The following HS6ST3 variants were observed in gnomAD, a reference collection of about 807,000 sequenced individuals.
HS6ST3 encodes the protein heparan-sulfate 6-O-sulfotransferase 3.
In HS6ST3, 12 loss-of-function variants were observed where a neutral mutation model predicts 36.7. That is an observed-to-expected ratio of 0.33 (90% CI 0.21 to 0.53). The LOEUF is 0.53. Ranked by LOEUF, HS6ST3 falls within the 20% of genes least tolerant of loss-of-function variation. The pLI, the probability that HS6ST3 is intolerant of heterozygous loss-of-function variation, is 0.95. For missense variants in HS6ST3, 584 were observed against 640.9 expected, an observed-to-expected ratio of 0.91 and a Z score of 0.96; for synonymous variants, 240 against 257.5, an observed-to-expected ratio of 0.93 and a Z score of 0.65.
rs527733468 is a variant in HS6ST3 at position 96,552,093 on chromosome 13, A to G, written c.708-280397A>G. 2.6e-5 allele frequency among the ~76,000 whole-genome samples: 4 copies of G among 152,300 alleles called. No homozygotes were observed. In the East Asian group the frequency reaches 5.8e-4, roughly 22 times the overall value. On this transcript the variant is annotated intron_variant, in intron 1 of 1. Coordinates refer to ENST00000376705, the MANE Select transcript of HS6ST3 (RefSeq NM_153456.4). ...ATATCCTAGGGAAAAAGTTTATTGC[A>G]TGCATTAAAAATGGAATTTGGTTTA... is the stretch of plus-strand genomic sequence containing the variant.
At chr13:96,540,979 C>G (rs1189193708) in intron 1 of HS6ST3, among the ~76,000 whole-genome samples, 1 of 152,056 alleles carries the variant, frequency 6.6e-6, no homozygotes, top group Non-Finnish European at 1.5e-5. Context: ...TATACAAAGC[C>G]CAAAAATCTT....
At chr13:96,499,946 A>G (rs1373679465) in intron 1 of HS6ST3, among the ~76,000 whole-genome samples, 2 of 152,332 alleles carry the variant, frequency 1.3e-5, no homozygotes, top group South Asian at 2.1e-4. Flanking sequence ...TATGATTCAT[A>G]TATCATAAAA....
intron 1 of HS6ST3, among the ~76,000 whole-genome samples, chr13:96,571,967 G>A (rs558719856): frequency 3.3e-5 from 5 of 152,272 alleles, no homozygotes; most frequent in East Asian, 1.9e-4. Context: ...CAGAGTGTGC[G>A]TAAAGTCATA....
chr13:96,293,505 A>T (rs892770346), intron 1 of HS6ST3, among the ~76,000 whole-genome samples: 4 of 152,158 alleles, frequency 2.6e-5, no homozygotes, highest in African/African-American at 9.7e-5. Context: ...TATGCAGTAC[A>T]CTTGTATGTA....
At chr13:96,331,002 C>G (rs1176947248) in intron 1 of HS6ST3, among the ~76,000 whole-genome samples, 3 of 151,904 alleles carry the variant, frequency 2.0e-5, no homozygotes, top group Non-Finnish European at 2.9e-5. Context: ...GCATTCTTCA[C>G]GTAGTTCTTG....
intron 1 of HS6ST3, among the ~76,000 whole-genome samples, chr13:96,449,038 T>C (rs2055714036): frequency 6.6e-6 from 1 of 152,182 alleles, no homozygotes. Flanking sequence ...CATAGCTCAC[T>C]GCTGCCTCGA....
chr13:96,149,121 G>A (rs749194727), intron 1 of HS6ST3, among the ~76,000 whole-genome samples: 2 of 152,156 alleles, frequency 1.3e-5, no homozygotes, highest in Non-Finnish European at 2.9e-5. Context: ...AGACTTGGCA[G>A]GGAATTGATC....
At chr13:96,235,684 A>G (rs2054531418) in intron 1 of HS6ST3, among the ~76,000 whole-genome samples, 2 of 151,924 alleles carry the variant, frequency 1.3e-5, no homozygotes, top group African/African-American at 4.8e-5. Flanking sequence ...CAGATATAAC[A>G]CCTTTACCTC....
intron 1 of HS6ST3, among the ~76,000 whole-genome samples, chr13:96,128,933 C>T (rs1350170020): frequency 6.6e-6 from 1 of 151,892 alleles, no homozygotes; most frequent in Non-Finnish European, 1.5e-5. Flanking sequence ...GCAACCTCTG[C>T]CTCCTGGGTT....
intron 1 of HS6ST3, among the ~76,000 whole-genome samples, chr13:96,480,985 T>C (rs2055887666): frequency 1.3e-5 from 2 of 152,246 alleles, no homozygotes; most frequent in Non-Finnish European, 2.9e-5. Flanking sequence ...CCATAAATGG[T>C]AAATCATAAT....
At chr13:96,091,708 G>C in intron 1 of HS6ST3, 139 bp downstream of exon 1, 1 of 1,219,090 alleles carries the variant, frequency 8.2e-7, no homozygotes, top group Non-Finnish European at 1.1e-6. Flanking sequence ...CGTGGCTTTG[G>C]GGAGGGATGA....
intron 1 of HS6ST3, among the ~76,000 whole-genome samples, chr13:96,556,083 G>C (rs2056239709): frequency 6.6e-6 from 1 of 152,172 alleles, no homozygotes; most frequent in Non-Finnish European, 1.5e-5. Flanking sequence ...GAGTCTGAAG[G>C]TCAAGGTGGC....
At chr13:96,713,116 G>A (rs1875602067) in intron 1 of HS6ST3, among the ~76,000 whole-genome samples, 1 of 152,140 alleles carries the variant, frequency 6.6e-6, no homozygotes, top group Admixed American at 6.6e-5. Flanking sequence ...TTTTTTGGGT[G>A]TTGATGTTAA....
intron 1 of HS6ST3, among the ~76,000 whole-genome samples, chr13:96,811,502 T>C (rs949014987): frequency 2.0e-5 from 3 of 152,172 alleles, no homozygotes; most frequent in Admixed American, 2.0e-4. Flanking sequence ...TTAATATTAT[T>C]CCATTTTTGC....
At chr13:96,324,424 A>G (rs1389685483) in intron 1 of HS6ST3, among the ~76,000 whole-genome samples, 1 of 152,214 alleles carries the variant, frequency 6.6e-6, no homozygotes, top group Non-Finnish European at 1.5e-5. Context: ...TAGGGCAGAT[A>G]AGAGGAAAAC....
At chr13:96,148,272 A>G (rs759251783) in intron 1 of HS6ST3, among the ~76,000 whole-genome samples, 2 of 152,208 alleles carry the variant, frequency 1.3e-5, no homozygotes, top group East Asian at 1.9e-4. Context: ...CCAAGAACCT[A>G]CTGATGACAT....
chr13:96,161,500 C>T (rs2054135581), intron 1 of HS6ST3, among the ~76,000 whole-genome samples: 1 of 152,102 alleles, frequency 6.6e-6, no homozygotes, highest in Non-Finnish European at 1.5e-5. Context: ...ACTGTATTCT[C>T]CACTAAGATT....
chr13:96,333,561 C>G (rs566732456), intron 1 of HS6ST3, among the ~76,000 whole-genome samples: 1 of 152,220 alleles, frequency 6.6e-6, no homozygotes, highest in African/African-American at 2.4e-5. Context: ...TAGCTTTACC[C>G]AGCTGCTGAC....
chr13:96,278,125 A>G (rs1274371841), intron 1 of HS6ST3, among the ~76,000 whole-genome samples: 1 of 152,184 alleles, frequency 6.6e-6, no homozygotes, highest in Non-Finnish European at 1.5e-5. Context: ...TGTAAGGTCG[A>G]TATTTCAATT....
Sources: allele counts gnomAD v4.1 joint callset (sites outside exome capture counted in the v4.1 genomes callset), GRCh38; gene constraint gnomAD v4.1.1; transcripts MANE v1.5; gene names NCBI Gene and HGNC (gene_info 2026-07-23, HGNC 2026-07-21).